PRKAR1A: variants seen among roughly 807,000 people sequenced by gnomAD.
PRKAR1A encodes cAMP-dependent protein kinase type I-alpha regulatory subunit.
Under a neutral mutation model 52.0 loss-of-function variants are expected in PRKAR1A, and 3 were observed. The observed-to-expected ratio is 0.06, with a 90% confidence interval of 0.03 to 0.15. PRKAR1A has a LOEUF of 0.15. PRKAR1A is among the 10% of genes least tolerant of loss of function. The pLI, the probability that PRKAR1A is intolerant of heterozygous loss-of-function variation, is 1.00. For synonymous variants in PRKAR1A, 188 were observed against 168.4 expected, an observed-to-expected ratio of 1.12 and a Z score of -0.90; for missense variants, 240 against 477.4, an observed-to-expected ratio of 0.50 and a Z score of 4.63.
At chr17:68,544,779 A>C (rs897194694) in intron 11 of PRKAR1A, among the ~76,000 whole-genome samples, 1 of 152,308 alleles carries the variant, frequency 6.6e-6, no homozygotes, top group Admixed American at 6.5e-5. Flanking sequence ...AGCAAGGACA[A>C]TCCCTCTTCC....
At chr17:68,550,747 CA>C (rs200953176) in intron 11 of PRKAR1A, among the ~76,000 whole-genome samples, 2,001 of 152,292 alleles carry the variant, frequency 0.013, 18 homozygotes, top group Non-Finnish European at 0.021. Context: ...GGAGAGCCCC[CA>C]GAGCTAGTCC....
Position 68,515,394 on chromosome 17 carries a change from A to G in PRKAR1A, c.-6A>G. Reference sequence around the variant, plus strand: ...GCATGTGTGTGTTTTTTTCTCGCAGAGAACCATGGAGTCTGGCAGTACCGC... The same window carrying G: ...GCATGTGTGTGTTTTTTTCTCGCAGGGAACCATGGAGTCTGGCAGTACCGC... On this transcript the variant is annotated splice_region_variant and 5_prime_UTR_variant, in exon 2 of 11. Transcript: ENST00000589228. 6.2e-7 allele frequency: 1 copy of G among 1,613,068 alleles called. No homozygotes were observed. Among genetic ancestry groups the G allele is most frequent in the South Asian group, 1.1e-5 (1 of 91,026 alleles).
At chr17:68,522,655 G>T in intron 2 of PRKAR1A, 101 bp from the exon 3 acceptor site, 1 of 1,295,666 alleles carries the variant, frequency 7.7e-7, no homozygotes. Flanking sequence ...GTTAATGGAA[G>T]AAGAGATTGG....
rs2086006274 is a variant in PRKAR1A, at chr17:68,532,593, T to G, written c.*2144T>G. The G allele has an allele frequency of 9.4e-7, 1 of 1,066,134 alleles. No homozygotes were observed. The highest frequency in any genetic ancestry group is 1.1e-6 in the Non-Finnish European group (1 of 879,608). The allele number at this position is 1,066,134 out of a possible 1,614,324, so 66.0% of individuals were successfully genotyped here. ...TAAAAGTCATTATTCCTGGGCTTGGTAAGTGAATTTATGAGATTTACTGCT... is the reference window on the plus strand; with the variant it reads ...TAAAAGTCATTATTCCTGGGCTTGGGAAGTGAATTTATGAGATTTACTGCT... On this transcript the variant is annotated 3_prime_UTR_variant, in exon 11 of 11. Coordinates refer to ENST00000589228, the MANE Select transcript of PRKAR1A (RefSeq NM_002734.5).
At chr17:68,500,887 A>C in the PRKAR1A span, among the ~76,000 whole-genome samples, 1 of 152,174 alleles carries the variant, frequency 6.6e-6, no homozygotes, top group African/African-American at 2.4e-5. Flanking sequence ...AGGTAAGGAC[A>C]CTATTGAGGA....
the PRKAR1A span, chr17:68,426,254 G>GGC: frequency 2.4e-6 from 2 of 816,920 alleles, no homozygotes; most frequent in East Asian, 3.5e-5. Flanking sequence ...GGGAGCGGGG[G>GGC]CTCAAATAAA....
At chr17:68,427,205 T>G in the PRKAR1A span, 1 of 1,614,214 alleles carries the variant, frequency 6.2e-7, no homozygotes, top group Non-Finnish European at 8.5e-7. Flanking sequence ...GTAAGGAAGG[T>G]CTGAGGTCAT....
At chr17:68,436,349 T>A in the PRKAR1A span, 1 of 1,594,952 alleles carries the variant, frequency 6.3e-7, no homozygotes. Context: ...CCAAGGCAGG[T>A]GGGTTGGCTC....
At chr17:68,543,529 A>G in intron 11 of PRKAR1A, 1 of 1,028,292 alleles carries the variant, frequency 9.7e-7, no homozygotes, top group Non-Finnish European at 1.5e-6. Flanking sequence ...GCCAGAAGGA[A>G]GAAATGCCAG....
At chr17:68,491,915 A>T in the PRKAR1A span, among the ~76,000 whole-genome samples, 10 of 152,344 alleles carry the variant, frequency 6.6e-5, no homozygotes, top group Admixed American at 6.5e-4. Context: ...CAAAAAGCAT[A>T]TGGTAAGTCA....
downstream of PRKAR1A, chr17:68,535,851 G>A (rs187501290): frequency 1.5e-5 from 7 of 453,808 alleles, no homozygotes; most frequent in Middle Eastern, 6.9e-4. Context: ...AAATTGGGTG[G>A]GATACTGTTG....
the PRKAR1A span, among the ~76,000 whole-genome samples, chr17:68,469,643 A>C: frequency 6.6e-6 from 1 of 151,340 alleles, no homozygotes; most frequent in Non-Finnish European, 1.5e-5. Context: ...TGTTGTCCTG[A>C]TTTAACTAGC....
chr17:68,533,912 A>G (rs1185828024), downstream of PRKAR1A, among the ~76,000 whole-genome samples: 4 of 152,168 alleles, frequency 2.6e-5, no homozygotes, highest in Admixed American at 1.3e-4. Flanking sequence ...TATTTTTAGT[A>G]GAGGTGGGGT....
the PRKAR1A span, among the ~76,000 whole-genome samples, chr17:68,430,664 C>T: frequency 1.3e-5 from 2 of 152,250 alleles, no homozygotes; most frequent in Admixed American, 1.3e-4. Context: ...CCCAGGTACC[C>T]AGCATGTGTA....
chr17:68,533,395 A>C lies in PRKAR1A; in HGVS notation c.*2946A>C. 9.4e-7 allele frequency: 1 copy of C among 1,060,748 alleles called. No individual in the cohort carries two copies. The highest frequency in any genetic ancestry group is 1.6e-5 in the African/African-American group (1 of 60,944). 65.7% of individuals were successfully genotyped at this position (1,060,748 alleles called of 1,614,324 possible). ...CTTCCCCCCGTCCTCTGGAGTATGAAACCTTTAGAGTCACAATAAAATGTA... is the reference window on the plus strand; with the variant it reads ...CTTCCCCCCGTCCTCTGGAGTATGACACCTTTAGAGTCACAATAAAATGTA... On this transcript the variant is annotated 3_prime_UTR_variant, in exon 11 of 11. Transcript: ENST00000589228.
At chr17:68,517,234 C>G (rs1211830798) in intron 2 of PRKAR1A, among the ~76,000 whole-genome samples, 1 of 152,146 alleles carries the variant, frequency 6.6e-6, no homozygotes, top group Non-Finnish European at 1.5e-5. Context: ...TACATTCCTT[C>G]CAGGGTTGAA....
chr17:68,460,525 C>T, the PRKAR1A span, among the ~76,000 whole-genome samples: 2 of 152,210 alleles, frequency 1.3e-5, no homozygotes, highest in Non-Finnish European at 1.5e-5. Flanking sequence ...CTCAGCCTTT[C>T]CTGTGAATGG....
the PRKAR1A span, chr17:68,424,646 C>A: frequency 2.6e-6 from 1 of 388,168 alleles, no homozygotes; most frequent in Non-Finnish European, 5.2e-6. Context: ...GAGGCCGAGA[C>A]GAGTGGATCA....
the PRKAR1A span, among the ~76,000 whole-genome samples, chr17:68,498,061 T>G: frequency 6.8e-6 from 1 of 146,518 alleles, no homozygotes; most frequent in Non-Finnish European, 1.5e-5. Context: ...TAAACACAGG[T>G]GTGATGGGGG....
Sources: allele counts gnomAD v4.1 joint callset (sites outside exome capture counted in the v4.1 genomes callset), GRCh38; gene constraint gnomAD v4.1.1; transcripts MANE v1.5; gene names NCBI Gene and HGNC (gene_info 2026-07-23, HGNC 2026-07-21).